Variants in DNAJA2 observed in about 807,000 individuals in gnomAD.
DNAJA2 encodes dnaJ homolog subfamily A member 2.
DNAJA2 carries 6 observed loss-of-function variants against 49.3 expected under a neutral mutation model. The observed-to-expected ratio is 0.12, with a 90% CI of 0.07 to 0.24. The LOEUF is 0.24. Among genes scored for constraint, DNAJA2 ranks in the 10% least tolerant of loss-of-function variants. The pLI is 1.00. For missense variants in DNAJA2, 347 were observed against 516.8 expected, an observed-to-expected ratio of 0.67 and a Z score of 3.19; for synonymous variants, 160 against 172.7, an observed-to-expected ratio of 0.93 and a Z score of 0.58.
At position 46,955,379 on chromosome 16, in the gene DNAJA2, T is replaced by C. The variant is rs1426450801; in HGVS notation, c.*1650A>G. The C allele has an allele frequency of 6.6e-6, 1 of 152,248 alleles. No homozygotes were observed. Among genetic ancestry groups the C allele is most frequent in the Non-Finnish European group, 1.5e-5 (1 of 68,050 alleles). 9.4% of individuals were successfully genotyped at this position (152,248 alleles called of 1,614,324 possible). On this transcript the variant is annotated 3_prime_UTR_variant, in exon 9 of 9. Coordinates refer to ENST00000317089, the MANE Select transcript of DNAJA2 (RefSeq NM_005880.4). ...CACTGAACAACTGTTTTATAAACCT[T>C]TATTGGAAAGGCTACAAACTTTATA...
chr16:46,963,721 T>C (rs111573893), intron 6 of DNAJA2, among the ~76,000 whole-genome samples: 1 of 151,882 alleles, frequency 6.6e-6, no homozygotes, highest in African/African-American at 2.4e-5. Flanking sequence ...CCCCAAAACA[T>C]ACACTAGTGA....
intron 3 of DNAJA2, among the ~76,000 whole-genome samples, chr16:46,971,034 T>TC (rs1347525107): frequency 8.7e-4 from 126 of 144,384 alleles, no homozygotes; most frequent in African/African-American, 2.9e-3. Context: ...AAACTCGGTC[T>TC]CAAAAAAAAA....
chr16:46,955,920 T>C lies in DNAJA2; in HGVS notation c.*1109A>G, dbSNP rs768763398. 2 of 152,220 alleles carry C rather than the reference T, an allele frequency of 1.3e-5. No homozygotes were observed. Among genetic ancestry groups the C allele is most frequent in the Non-Finnish European group, 1.5e-5 (1 of 68,042 alleles). 9.4% of individuals were successfully genotyped at this position (152,220 alleles called of 1,614,324 possible). A position where few individuals can be genotyped will look rare whatever the true frequency, so the allele number is the denominator to read the frequency against. On this transcript the variant is annotated 3_prime_UTR_variant, in exon 9 of 9. Coordinates refer to ENST00000317089, the MANE Select transcript of DNAJA2 (RefSeq NM_005880.4). ...ACAACAATGCATATTTCAGTTGCCT[T>C]CATTCTTAAATTCTGAATAAGCATC...
intron 5 of DNAJA2, among the ~76,000 whole-genome samples, chr16:46,965,910 T>C (rs1314508089): frequency 6.7e-6 from 1 of 150,186 alleles, no homozygotes; most frequent in Non-Finnish European, 1.5e-5. Context: ...TTCTTGATAG[T>C]GGGAGTTAGC....
At chr16:46,963,357 G>A (rs1961925241) in intron 6 of DNAJA2, among the ~76,000 whole-genome samples, 1 of 151,958 alleles carries the variant, frequency 6.6e-6, no homozygotes, top group South Asian at 2.1e-4. Context: ...ATATACAAGT[G>A]CAATGTTAAA....
At chr16:46,966,523 CCAT>C (rs910054196) in intron 5 of DNAJA2, among the ~76,000 whole-genome samples, 13 of 152,188 alleles carry the variant, frequency 8.5e-5, no homozygotes, top group Admixed American at 2.0e-4. Flanking sequence ...CAGAACATTT[CCAT>C]CATCACAGAA....
In DNAJA2 at chr16:46,967,550, T is replaced by C. The variant is rs1322266337; in HGVS notation, c.540A>G (p.Gln180=). 3.7e-6 allele frequency: 6 copies of C among 1,614,070 alleles called. No homozygotes were observed. Among genetic ancestry groups the C allele is most frequent in the Admixed American group, 1.7e-5 (1 of 59,998 alleles). Residue 180 remains glutamine (Q), a synonymous_variant, in exon 5 of 9, where the codon CAA becomes CAG. Coordinates refer to ENST00000317089, the MANE Select transcript of DNAJA2 (RefSeq NM_005880.4). ...MIRQLAPGMV[Q]QMQSVCSDCN... ...AATCAGAGCACACAGACTGCATCTG[T>C]TGTACCATCCCTGGAGCCAGCTGTC...
intron 1 of DNAJA2, among the ~76,000 whole-genome samples, chr16:46,973,114 G>A (rs1962080837): frequency 2.0e-5 from 3 of 152,138 alleles, no homozygotes; most frequent in Admixed American, 6.5e-5. Flanking sequence ...GGGATGCGCT[G>A]AGCACCTCGG....
chr16:46,963,130 T>C (rs1397155685), intron 6 of DNAJA2, among the ~76,000 whole-genome samples: 2 of 152,140 alleles, frequency 1.3e-5, no homozygotes, highest in African/African-American at 2.4e-5. Context: ...GGCTTATGCA[T>C]AGGAGAAAAT....
chr16:46,973,619 G>A lies in DNAJA2; in HGVS notation c.-47C>T, dbSNP rs958727577. The A allele has an allele frequency of 3.2e-6, 5 of 1,571,050 alleles. No individual in the cohort carries two copies. Among genetic ancestry groups the A allele is most frequent in the African/African-American group, 1.4e-5 (1 of 72,238 alleles). On this transcript the variant is annotated 5_prime_UTR_variant, in exon 1 of 9. Coordinates refer to ENST00000317089, the MANE Select transcript of DNAJA2 (RefSeq NM_005880.4). ...CGGGGAGAAGGTGGCGAAGCAGACA[G>A]AGCGGAGTCGGGCCCACAAGCGGCG...
At chr16:46,969,881 G>C (rs891719132) in intron 3 of DNAJA2, among the ~76,000 whole-genome samples, 1 of 152,012 alleles carries the variant, frequency 6.6e-6, no homozygotes, top group African/African-American at 2.4e-5. Flanking sequence ...GCACTCTTTT[G>C]ACCCTATTTT....
At chr16:46,970,122 T>G (rs1962023706) in intron 3 of DNAJA2, among the ~76,000 whole-genome samples, 3 of 152,206 alleles carry the variant, frequency 2.0e-5, no homozygotes, top group Admixed American at 2.0e-4. Flanking sequence ...TACCTGAACT[T>G]CGGCCACTGA....
intron 3 of DNAJA2, among the ~76,000 whole-genome samples, chr16:46,970,463 C>T (rs1223385769): frequency 2.0e-5 from 3 of 152,168 alleles, no homozygotes; most frequent in African/African-American, 7.2e-5. Context: ...AGAAAATAGG[C>T]TGGGCGCAGT....
chr16:46,960,404 T>A (rs1246193872), intron 6 of DNAJA2, among the ~76,000 whole-genome samples: 1 of 152,154 alleles, frequency 6.6e-6, no homozygotes, highest in Non-Finnish European at 1.5e-5. Flanking sequence ...TCCAAGAAGG[T>A]ATGTTATGTA....
chr16:46,972,776 T>C (rs1962072480), intron 1 of DNAJA2: 3 of 152,204 alleles, frequency 2.0e-5, no homozygotes, highest in South Asian at 2.1e-4. Context: ...GCATTGCAAA[T>C]AGCAATAATA....
intron 3 of DNAJA2, among the ~76,000 whole-genome samples, chr16:46,969,802 A>G (rs1962020494): frequency 6.6e-6 from 1 of 152,248 alleles, no homozygotes; most frequent in Non-Finnish European, 1.5e-5. Context: ...TGAAATGTTA[A>G]AACAGCAGAA....
intron 1 of DNAJA2, 47 bp from the exon 2 acceptor site, chr16:46,972,002 T>A: frequency 7.5e-7 from 1 of 1,340,652 alleles, no homozygotes; most frequent in Non-Finnish European, 1.1e-6. Context: ...AAACACCAGT[T>A]AAAAGTTTTG....
intron 5 of DNAJA2, 98 bp downstream of exon 5, chr16:46,967,415 A>G: frequency 3.4e-6 from 5 of 1,491,634 alleles, no homozygotes; most frequent in Middle Eastern, 1.8e-4. Context: ...AATAAGATGT[A>G]TACAAATACC....
intron 4 of DNAJA2, 94 bp downstream of exon 4, chr16:46,967,983 GTAAGTTT>G (rs1396810854): frequency 9.3e-6 from 11 of 1,178,684 alleles, no homozygotes; most frequent in Non-Finnish European, 1.3e-5. Context: ...GCACCCAGCC[GTAAGTTT>G]TAACTTATAA....
Sources: allele counts gnomAD v4.1 joint callset (sites outside exome capture counted in the v4.1 genomes callset), GRCh38; gene constraint gnomAD v4.1.1; transcripts MANE v1.5; gene names NCBI Gene and HGNC (gene_info 2026-07-23, HGNC 2026-07-21).